MCOLN2: variants seen among roughly 807,000 people sequenced by gnomAD.
MCOLN2 encodes mucolipin TRP cation channel 2, also known as mucolipin-2.
In MCOLN2, 57 loss-of-function variants were observed where a neutral mutation model predicts 67.5. The observed-to-expected ratio is 0.84, with a 90% confidence interval of 0.68 to 1.05. MCOLN2 has a LOEUF of 1.05. MCOLN2 is among the 50% of genes least tolerant of loss of function. MCOLN2 has a pLI of 0.00. For synonymous variants in MCOLN2, 246 were observed against 233.3 expected, an observed-to-expected ratio of 1.05 and a Z score of -0.50; for missense variants, 620 against 678.8, an observed-to-expected ratio of 0.91 and a Z score of 0.96.
chr1:84,946,688 C>T (rs1402535958), intron 7 of MCOLN2, among the ~76,000 whole-genome samples: 2 of 152,120 alleles, frequency 1.3e-5, no homozygotes, highest in African/African-American at 2.4e-5. Context: ...TCAACCTATA[C>T]TATTACTCTC....
intron 2 of MCOLN2, among the ~76,000 whole-genome samples, chr1:84,962,425 G>C (rs1277884244): frequency 6.6e-6 from 1 of 152,142 alleles, no homozygotes; most frequent in Non-Finnish European, 1.5e-5. Flanking sequence ...TGTGCCTTTA[G>C]TCAGCTGTTT....
chr1:84,966,655 A>G (rs1359571604), intron 1 of MCOLN2, among the ~76,000 whole-genome samples: 4 of 152,180 alleles, frequency 2.6e-5, no homozygotes, highest in African/African-American at 9.6e-5. Flanking sequence ...GATAAATAGC[A>G]TCTCTCTATT....
At position 84,974,220 on chromosome 1, in the gene MCOLN2, C is replaced by G. The variant is rs1649886285; in HGVS notation, c.78-8512G>C. On this transcript the variant is annotated intron_variant, in intron 1 of 13. Transcript: ENST00000370608. ...TGAATTTGAAAGGCAATTTAGGCCA[C>G]AAGGACTGCAACTCTAGGCGAGTCC... is the stretch of plus-strand genomic sequence containing the variant. Among the ~76,000 whole-genome samples the G allele has an allele frequency of 2.0e-5, 3 of 152,078 alleles. No homozygotes were observed. In the South Asian group the frequency reaches 6.2e-4, roughly 31 times the overall value.
intron 11 of MCOLN2, among the ~76,000 whole-genome samples, chr1:84,936,628 A>G (rs537159625): frequency 2.4e-4 from 37 of 152,328 alleles, no homozygotes; most frequent in African/African-American, 8.4e-4. Flanking sequence ...TGTTAATTAT[A>G]TAATATCTCA....
chr1:84,962,819 C>CCAGT (rs1443312419), intron 2 of MCOLN2, among the ~76,000 whole-genome samples: 1 of 152,142 alleles, frequency 6.6e-6, no homozygotes, highest in African/African-American at 2.4e-5. Flanking sequence ...TCTTTGAATT[C>CCAGT]CTGGCTAGAG....
In MCOLN2 at chr1:84,954,523, G is replaced by T. The variant is rs1648680647; in HGVS notation, c.565+1908C>A. On this transcript the variant is annotated intron_variant, in intron 4 of 13. Transcript: ENST00000370608. The stretch of plus-strand genomic sequence containing the variant: ...ATCTTCAAAGCAACCTTGTGAGATA[G>T]GCACTATTAGTGCCATTTCACAAAT... Among the ~76,000 whole-genome samples, 3 of 152,180 alleles carry T rather than the reference G, an allele frequency of 2.0e-5. No homozygotes were observed. The South Asian group carries it at 6.2e-4, about 32-fold the overall frequency.
At chr1:84,942,847 T>G (rs769024363) in intron 7 of MCOLN2, among the ~76,000 whole-genome samples, 5 of 151,518 alleles carry the variant, frequency 3.3e-5, no homozygotes, top group Non-Finnish European at 7.4e-5. Context: ...GCTAGTATGC[T>G]CACCCCCCTT....
At chr1:84,958,774 T>C in intron 2 of MCOLN2, 72 bp from the exon 3 acceptor site, 5 of 1,137,478 alleles carry the variant, frequency 4.4e-6, no homozygotes, top group Non-Finnish European at 4.9e-6. Context: ...CTTCTCACTA[T>C]CATCAACCAT....
intron 1 of MCOLN2, among the ~76,000 whole-genome samples, chr1:84,983,000 G>A (rs1650334760): frequency 6.6e-6 from 1 of 152,122 alleles, no homozygotes; most frequent in African/African-American, 2.4e-5. Flanking sequence ...TTACAGGGGT[G>A]AGCCACTGAG....
chr1:84,970,274 A>AAC (rs146134744), intron 1 of MCOLN2, among the ~76,000 whole-genome samples: 7 of 119,366 alleles, frequency 5.9e-5, no homozygotes, highest in African/African-American at 9.6e-5. Context: ...CCCACCCCCC[A>AAC]ACACACACAC....
intron 3 of MCOLN2, among the ~76,000 whole-genome samples, chr1:84,957,658 C>T (rs932511079): frequency 3.3e-5 from 5 of 152,208 alleles, no homozygotes; most frequent in African/African-American, 1.2e-4. Context: ...AAGATGGCCT[C>T]TGATCAATAT....
At chr1:84,971,245 A>G (rs889527559) in intron 1 of MCOLN2, among the ~76,000 whole-genome samples, 2 of 152,164 alleles carry the variant, frequency 1.3e-5, no homozygotes, top group Admixed American at 1.3e-4. Flanking sequence ...TGTAGGGGGA[A>G]AGAGTTGATA....
chr1:84,993,003 G>A (rs1336730162), intron 1 of MCOLN2, among the ~76,000 whole-genome samples: 1 of 152,224 alleles, frequency 6.6e-6, no homozygotes, highest in Non-Finnish European at 1.5e-5. Context: ...ATGCAACGCT[G>A]TTTGATTGCA....
In MCOLN2 at chr1:84,972,751, A is replaced by G. The variant is rs890889434; in HGVS notation, c.78-7043T>C. On this transcript the variant is annotated intron_variant, in intron 1 of 13. Coordinates refer to ENST00000370608, the MANE Select transcript of MCOLN2 (RefSeq NM_153259.4). ...TTTCAGCTTTATCAAAACAATGACT[A>G]AGAGTCTAACGGAAGCCTGAAGTTT... Among the ~76,000 whole-genome samples the G allele has an allele frequency of 4.6e-5, 7 of 152,252 alleles. 1 individual carries two copies. The highest frequency in any genetic ancestry group is 3.9e-4 in the Admixed American group (6 of 15,290).
rs79410675 is a variant in MCOLN2, at chr1:84,941,119, T to C, written c.848-128A>G. On this transcript the variant is annotated intron_variant, in intron 7 of 13. Transcript: ENST00000370608. ...TCTATTGTTAAAACAAAATGGTAAA[T>C]ATCAGAAACAAATCACACCGCATTC... 4,474 of 632,452 alleles carry C rather than the reference T, an allele frequency of 7.1e-3. 151 individuals carry two copies. The African/African-American group carries it at 0.075, about 11-fold the overall frequency. 39.2% of individuals were successfully genotyped at this position (632,452 alleles called of 1,614,324 possible).
chr1:84,952,258 A>G lies in MCOLN2; in HGVS notation c.732T>C (p.Tyr244=), dbSNP rs769835091. ...TIHSRELPDC[Y]VFQNTIIFDN... ...AGATACTTGCCGTATTCTGAAAGAC[A>G]TAACAGTCTGGTAACTCACGGGAAT... Residue 244 remains tyrosine, a synonymous_variant, in exon 6 of 14, where the codon TAT becomes TAC. Coordinates refer to ENST00000370608, the MANE Select transcript of MCOLN2 (RefSeq NM_153259.4). The G allele has an allele frequency of 2.2e-5, 36 of 1,610,880 alleles. No individual in the cohort carries two copies. Among genetic ancestry groups the G allele is most frequent in the Admixed American group, 8.4e-5 (5 of 59,640 alleles).
Position 84,996,853 on chromosome 1 carries a change from C to G in MCOLN2, c.20G>C (p.Arg7Pro), listed in dbSNP as rs756071013. Reference sequence around the variant, plus strand: ...CTCCGGAATCCTTGCCTGGGGAAAACGATAAGGCTGCCGGGCCATGCCTCC... The same window carrying G: ...CTCCGGAATCCTTGCCTGGGGAAAAGGATAAGGCTGCCGGGCCATGCCTCC... The part of the protein sequence containing the change: MARQPY[R>P]FPQARIPERG... Residue 7 changes from arginine (R) to proline (P), a missense_variant, in exon 1 of 14, where the codon CGT (arginine) becomes CCT (proline). Arg to Pro is a moderately radical substitution (Grantham distance 103). Coordinates refer to ENST00000370608, the MANE Select transcript of MCOLN2 (RefSeq NM_153259.4). 2 of 1,614,116 alleles carry G rather than the reference C, an allele frequency of 1.2e-6. No individual in the cohort carries two copies. Among genetic ancestry groups the G allele is most frequent in the Non-Finnish European group, 1.7e-6 (2 of 1,179,998 alleles).
chr1:84,943,046 G>A (rs960883097), intron 7 of MCOLN2, among the ~76,000 whole-genome samples: 3 of 152,166 alleles, frequency 2.0e-5, no homozygotes, highest in African/African-American at 7.2e-5. Context: ...GACTAAGACA[G>A]TAGTGTTGAA....
In MCOLN2 at chr1:84,937,970, C is replaced by T. The variant is rs776254886; in HGVS notation, c.1212+11G>A. On this transcript the variant is annotated intron_variant, in intron 10 of 13. Coordinates refer to ENST00000370608, the MANE Select transcript of MCOLN2 (RefSeq NM_153259.4). ...CAACTGCAGTGGCACTACCCGGTGCCGCATCCTTACATTATATGCCTGGAA... is the reference window on the plus strand; with the variant it reads ...CAACTGCAGTGGCACTACCCGGTGCTGCATCCTTACATTATATGCCTGGAA... 47 of 1,612,842 alleles carry T rather than the reference C, an allele frequency of 2.9e-5. 1 individual carries two copies. The highest frequency in any genetic ancestry group is 1.6e-4 in the Middle Eastern group (1 of 6,082).
Sources: gnomAD v4.1 joint callset for allele counts (sites outside exome capture counted in the v4.1 genomes callset) on GRCh38, gnomAD v4.1.1 for gene constraint, MANE v1.5 for transcripts, NCBI Gene and HGNC (gene_info 2026-07-23, HGNC 2026-07-21) for gene names.